Variants in SERPINB12 observed in about 807,000 individuals in gnomAD.
SERPINB12 encodes the protein serpin family B member 12.
SERPINB12 carries 57 observed loss-of-function variants against 41.1 expected under a neutral mutation model. That is an observed-to-expected ratio of 1.39 (90% confidence interval 1.12 to 1.73). SERPINB12 has a LOEUF of 1.73. SERPINB12 is among the 40% of genes most tolerant of loss of function. SERPINB12 has a pLI of 0.00. For missense variants in SERPINB12, 536 were observed against 501.9 expected, an observed-to-expected ratio of 1.07 and a Z score of -0.65; for synonymous variants, 180 against 181.3, an observed-to-expected ratio of 0.99 and a Z score of 0.06.
the SERPINB12 span, among the ~76,000 whole-genome samples, chr18:63,524,442 A>C: frequency 6.6e-6 from 1 of 151,966 alleles, no homozygotes; most frequent in Non-Finnish European, 1.5e-5. Flanking sequence ...GGTGCACACC[A>C]CCATGCCCGG....
the SERPINB12 span, among the ~76,000 whole-genome samples, chr18:63,527,450 G>T: frequency 2.6e-5 from 4 of 152,112 alleles, no homozygotes; most frequent in Non-Finnish European, 4.4e-5. Context: ...CATTAAAAGG[G>T]ATGACTCCTC....
At chr18:63,560,869 A>G (rs1160506850) in intron 4 of SERPINB12, among the ~76,000 whole-genome samples, 1 of 152,168 alleles carries the variant, frequency 6.6e-6, no homozygotes, top group Non-Finnish European at 1.5e-5. Flanking sequence ...ACTGTTCATG[A>G]ATAATATTTG....
At chr18:63,526,174 T>G in the SERPINB12 span, among the ~76,000 whole-genome samples, 1 of 152,224 alleles carries the variant, frequency 6.6e-6, no homozygotes, top group African/African-American at 2.4e-5. Context: ...TCCTTTTAAG[T>G]TAATTAATTA....
the SERPINB12 span, among the ~76,000 whole-genome samples, chr18:63,527,204 T>A: frequency 6.6e-6 from 1 of 152,204 alleles, no homozygotes; most frequent in Non-Finnish European, 1.5e-5. Context: ...GCTTGACTAG[T>A]CAATGCAGGC....
the SERPINB12 span, among the ~76,000 whole-genome samples, chr18:63,522,041 A>C: frequency 1.3e-5 from 2 of 152,242 alleles, no homozygotes; most frequent in Admixed American, 6.5e-5. Context: ...TTCTCTCTAT[A>C]GTAATCCTGA....
intron 1 of SERPINB12, among the ~76,000 whole-genome samples, chr18:63,549,520 A>G (rs1320732949): frequency 6.6e-6 from 1 of 152,040 alleles, no homozygotes; most frequent in Non-Finnish European, 1.5e-5. Flanking sequence ...CATGGGAGCT[A>G]TCATGTAAGT....
At chr18:63,538,170 C>G (rs771510743), upstream of SERPINB12, among the ~76,000 whole-genome samples, 1 of 152,176 alleles carries the variant, frequency 6.6e-6, no homozygotes, top group East Asian at 1.9e-4. Context: ...ATGTCTAGCA[C>G]TTTTCCTAGA....
intron 1 of SERPINB12, among the ~76,000 whole-genome samples, chr18:63,554,570 A>G (rs1910614522): frequency 6.6e-6 from 1 of 152,208 alleles, no homozygotes; most frequent in Non-Finnish European, 1.5e-5. Context: ...AATACACAAT[A>G]TCTATAGGCA....
the SERPINB12 span, among the ~76,000 whole-genome samples, chr18:63,528,587 T>C: frequency 6.6e-6 from 1 of 151,942 alleles, no homozygotes; most frequent in Non-Finnish European, 1.5e-5. Context: ...GGGAAAAAAG[T>C]AAAATAGCCG....
chr18:63,529,489 A>C, the SERPINB12 span, among the ~76,000 whole-genome samples: 1 of 152,224 alleles, frequency 6.6e-6, no homozygotes, highest in Non-Finnish European at 1.5e-5. Flanking sequence ...GGATTGGTAC[A>C]GGTGACTCCA....
At chr18:63,548,080 G>A (rs780995521) in intron 1 of SERPINB12, among the ~76,000 whole-genome samples, 3 of 152,142 alleles carry the variant, frequency 2.0e-5, no homozygotes, top group African/African-American at 4.8e-5. Context: ...ACCTTACAGT[G>A]TGATAGAGGA....
intron 1 of SERPINB12, among the ~76,000 whole-genome samples, chr18:63,552,701 G>A (rs1910564307): frequency 6.6e-6 from 1 of 152,070 alleles, no homozygotes; most frequent in African/African-American, 2.4e-5. Context: ...GTCTTGTTCA[G>A]TTCATCTTTT....
chr18:63,553,352 G>A (rs73961721), intron 1 of SERPINB12, among the ~76,000 whole-genome samples: 11,541 of 152,146 alleles, frequency 0.076, 912 homozygotes, highest in East Asian at 0.29. Flanking sequence ...AAGTCACTTC[G>A]CCTCATTTGG....
chr18:63,553,428 G>A (rs1910583850), intron 1 of SERPINB12, among the ~76,000 whole-genome samples: 1 of 152,138 alleles, frequency 6.6e-6, no homozygotes, highest in Non-Finnish European at 1.5e-5. Context: ...CCTTTCTAAA[G>A]CAGGCAAGAC....
At chr18:63,524,718 G>A in the SERPINB12 span, among the ~76,000 whole-genome samples, 1 of 150,062 alleles carries the variant, frequency 6.7e-6, no homozygotes, top group Non-Finnish European at 1.5e-5. Flanking sequence ...TTTATTTTAG[G>A]ACAAAAAATT....
chr18:63,559,531 T>C (rs1340880777), intron 3 of SERPINB12, 47 bp from the exon 4 acceptor site: 3 of 1,602,560 alleles, frequency 1.9e-6, no homozygotes, highest in African/African-American at 2.7e-5. Context: ...TGTTTAGCTC[T>C]TCTGATAGAC....
chr18:63,562,954 G>A (rs911448961), intron 5 of SERPINB12, among the ~76,000 whole-genome samples: 1 of 152,190 alleles, frequency 6.6e-6, no homozygotes, highest in African/African-American at 2.4e-5. Context: ...GCTAGCCTGG[G>A]GCTTTTCAAG....
At chr18:63,553,305 G>C (rs772204593) in intron 1 of SERPINB12, among the ~76,000 whole-genome samples, 2 of 152,194 alleles carry the variant, frequency 1.3e-5, no homozygotes, top group African/African-American at 2.4e-5. Context: ...GGAAGTCTTA[G>C]CCTTGCTTTG....
intron 1 of SERPINB12, among the ~76,000 whole-genome samples, chr18:63,548,177 A>G (rs570551896): frequency 6.6e-6 from 1 of 152,280 alleles, no homozygotes; most frequent in African/African-American, 2.4e-5. Context: ...AAAGTGGAAG[A>G]AGGTTTTACG....
Sources: allele counts gnomAD v4.1 joint callset (sites outside exome capture counted in the v4.1 genomes callset), GRCh38; gene constraint gnomAD v4.1.1; transcripts MANE v1.5; gene names NCBI Gene and HGNC (gene_info 2026-07-23, HGNC 2026-07-21).